OCA2: variants seen among roughly 807,000 people sequenced by gnomAD.
OCA2 encodes the protein OCA2 melanosomal transmembrane protein.
Under a neutral mutation model 100.2 loss-of-function variants are expected in OCA2, and 77 were observed. The ratio of observed to expected loss-of-function variants is 0.77; its 90% CI spans 0.64 to 0.93. The LOEUF (loss-of-function observed/expected upper bound fraction) is 0.93. Among genes scored for constraint, OCA2 ranks in the 40% least tolerant of loss-of-function variants. The pLI is 0.00. For missense variants in OCA2, 1,062 were observed against 1,089.1 expected (o/e 0.98, Z 0.35); for synonymous variants, 432 against 439.2 (o/e 0.98, Z 0.21).
chr15:27,730,980 A>AT, the OCA2 span, among the ~76,000 whole-genome samples: 23 of 150,224 alleles, frequency 1.5e-4, no homozygotes, highest in South Asian at 2.1e-4. Flanking sequence ...TGAGTTAAAA[A>AT]TTTTTTTTAT....
chr15:27,943,003 C>T (rs1944342336), intron 18 of OCA2, among the ~76,000 whole-genome samples: 1 of 152,154 alleles, frequency 6.6e-6, no homozygotes, highest in Admixed American at 6.5e-5. Context: ...TATGTAATAA[C>T]TGCCTTAAAT....
intron 19 of OCA2, among the ~76,000 whole-genome samples, chr15:27,905,451 G>A (rs1336578570): frequency 6.6e-6 from 1 of 152,218 alleles, no homozygotes; most frequent in African/African-American, 2.4e-5. Flanking sequence ...AAAGCCCTGA[G>A]GGAAGACAGA....
At chr15:27,960,590 CTCTA>C (rs10651380) in intron 15 of OCA2, among the ~76,000 whole-genome samples, 196 of 151,834 alleles carry the variant, frequency 1.3e-3, no homozygotes, top group East Asian at 3.9e-3. Flanking sequence ...ACACCATTTG[CTCTA>C]TCTATCTATC....
At chr15:27,939,611 G>A (rs1483213838) in intron 18 of OCA2, among the ~76,000 whole-genome samples, 1 of 152,178 alleles carries the variant, frequency 6.6e-6, no homozygotes, top group East Asian at 1.9e-4. Flanking sequence ...GCTAAATGCA[G>A]TTAAGAATTC....
chr15:27,871,876 G>T lies in OCA2; in HGVS notation c.2126C>A (p.Ala709Asp). 6.2e-7 allele frequency: 1 copy of T among 1,603,490 alleles called. No individual in the cohort carries two copies. Among genetic ancestry groups the T allele is most frequent in the Non-Finnish European group, 8.5e-7 (1 of 1,171,088 alleles). Residue 709 changes from alanine to aspartate, a missense_variant, in exon 20 of 24, where the codon GCT becomes GAT. By Grantham distance (126) the Ala-to-Asp change is moderately radical (BLOSUM62 -2). Transcript: ENST00000354638. ...CATTTATTTTACCTTTATTAGCAAA[G>T]CAGTTTGTTCTCCAACATATTCTAT... ...HLIEYVGEQTALLIKMVPEEQ... is the reference protein window; with the variant it reads ...HLIEYVGEQTDLLIKMVPEEQ...
rs188876691 is a variant in OCA2, at chr15:28,097,770, C to T, written c.-22+1454G>A. ...ACTGATCCCACCATCCATCACCCAT[C>T]ACCAACTGGGAATCCCCCCTGCAGC... On this transcript the variant is annotated intron_variant, in intron 1 of 23. Coordinates refer to ENST00000354638, the MANE Select transcript of OCA2 (RefSeq NM_000275.3). Among the ~76,000 whole-genome samples, 23 of 152,320 alleles carry T rather than the reference C, an allele frequency of 1.5e-4. No individual in the cohort carries two copies. In the East Asian group the frequency reaches 3.5e-3, roughly 23 times the overall value.
At chr15:27,910,792 C>G (rs2038364468) in intron 19 of OCA2, among the ~76,000 whole-genome samples, 1 of 151,736 alleles carries the variant, frequency 6.6e-6, no homozygotes, top group Non-Finnish European at 1.5e-5. Flanking sequence ...CCCGCATCTA[C>G]TAAAAATACA....
intron 23 of OCA2, among the ~76,000 whole-genome samples, chr15:27,765,703 C>T (rs987516917): frequency 2.0e-5 from 3 of 152,204 alleles, no homozygotes; most frequent in African/African-American, 7.2e-5. Flanking sequence ...TAAAATAAAA[C>T]TCTTTTCCTT....
At chr15:27,882,148 T>C (rs899552579) in intron 19 of OCA2, among the ~76,000 whole-genome samples, 1 of 152,226 alleles carries the variant, frequency 6.6e-6, no homozygotes, top group Non-Finnish European at 1.5e-5. Context: ...GGTTGTTCAA[T>C]TTCCATGTAG....
intron 19 of OCA2, among the ~76,000 whole-genome samples, chr15:27,908,561 C>A (rs1392046568): frequency 2.6e-5 from 4 of 152,194 alleles, no homozygotes; most frequent in Admixed American, 6.5e-5. Flanking sequence ...GCACACCTGA[C>A]TACCATTCAT....
chr15:27,868,275 G>C (rs1488855297), intron 21 of OCA2, among the ~76,000 whole-genome samples: 3 of 152,162 alleles, frequency 2.0e-5, no homozygotes, highest in Admixed American at 6.5e-5. Context: ...TTTCACTGTA[G>C]CATTACTCAG....
intron 14 of OCA2, among the ~76,000 whole-genome samples, chr15:27,971,682 T>C (rs1415051448): frequency 1.3e-5 from 2 of 152,182 alleles, no homozygotes; most frequent in African/African-American, 4.8e-5. Flanking sequence ...TGGCAAGAAC[T>C]TTCCTCACAA....
the OCA2 span, among the ~76,000 whole-genome samples, chr15:27,747,337 C>T: frequency 3.9e-5 from 6 of 152,178 alleles, no homozygotes; most frequent in Non-Finnish European, 7.3e-5. Context: ...AGTAAGTGTT[C>T]GATCGGTCTT....
At chr15:28,038,066 A>G (rs1246012357) in intron 2 of OCA2, among the ~76,000 whole-genome samples, 1 of 151,784 alleles carries the variant, frequency 6.6e-6, no homozygotes, top group African/African-American at 2.4e-5. Context: ...CTGTATCCCT[A>G]TGTACTCTTC....
At chr15:28,018,274 G>T in intron 7 of OCA2, 123 bp downstream of exon 7, 3 of 861,424 alleles carry the variant, frequency 3.5e-6, no homozygotes, top group South Asian at 2.8e-5. Context: ...AAGAGCCAAT[G>T]AATTGACTAA....
intron 2 of OCA2, among the ~76,000 whole-genome samples, chr15:28,074,831 C>G (rs1318843886): frequency 1.3e-5 from 2 of 152,142 alleles, no homozygotes; most frequent in African/African-American, 4.8e-5. Context: ...GGGCACAGAG[C>G]GAGACTCCGT....
At chr15:27,955,505 T>C (rs1210443653) in intron 16 of OCA2, among the ~76,000 whole-genome samples, 4 of 152,196 alleles carry the variant, frequency 2.6e-5, no homozygotes, top group African/African-American at 7.2e-5. Context: ...CCCGCAGCAG[T>C]GCGTGGAGGA....
At chr15:28,073,280 G>A (rs190727348) in intron 2 of OCA2, among the ~76,000 whole-genome samples, 1 of 152,158 alleles carries the variant, frequency 6.6e-6, no homozygotes, top group African/African-American at 2.4e-5. Context: ...TGGGCGTGGT[G>A]GCGAGCAACT....
At chr15:27,797,528 G>A (rs2151157791) in intron 23 of OCA2, among the ~76,000 whole-genome samples, 1 of 147,448 alleles carries the variant, frequency 6.8e-6, no homozygotes, top group Non-Finnish European at 1.5e-5. Context: ...AGCAGGCAGA[G>A]GCTCCATTCA....
Sources: gnomAD v4.1 joint callset for allele counts (sites outside exome capture counted in the v4.1 genomes callset) on GRCh38, gnomAD v4.1.1 for gene constraint, MANE v1.5 for transcripts, NCBI Gene and HGNC (gene_info 2026-07-23, HGNC 2026-07-21) for gene names.